MBD2: variants seen among roughly 807,000 people sequenced by gnomAD.
MBD2 encodes methyl-CpG binding domain protein 2.
Under a neutral mutation model 39.3 loss-of-function variants are expected in MBD2, and 9 were observed. That is an observed-to-expected ratio of 0.23 (90% CI 0.14 to 0.40). The LOEUF (loss-of-function observed/expected upper bound fraction) is 0.40. Ranked by LOEUF, MBD2 falls within the 10% of genes least tolerant of loss-of-function variation. MBD2 has a pLI of 1.00. For synonymous variants in MBD2, 233 were observed against 211.1 expected, an observed-to-expected ratio of 1.10 and a Z score of -0.90; for missense variants, 458 against 532.6, an observed-to-expected ratio of 0.86 and a Z score of 1.38.
Position 54,164,710 on chromosome 18 carries a change from GAAACAAGTACTAGTTA to G in MBD2, c.932-26_932-11del. The stretch of plus-strand genomic sequence containing the variant: ...CTACCTGGACCAACTCCTGCAATGA[GAAACAAGTACTAGTTA>G]AAGGAAATGTCTCAATGTGCTGAGC... On this transcript the variant is annotated splice_polypyrimidine_tract_variant and intron_variant, in intron 4 of 6. Transcript: ENST00000256429. 6.3e-7 allele frequency: 1 copy of G among 1,593,470 alleles called. No homozygotes were observed. The highest frequency in any genetic ancestry group is 2.3e-5 in the East Asian group (1 of 44,282).
At chr18:54,158,457 G>A (rs1201891677) in intron 6 of MBD2, among the ~76,000 whole-genome samples, 1 of 152,080 alleles carries the variant, frequency 6.6e-6, no homozygotes, top group Non-Finnish European at 1.5e-5. Flanking sequence ...GTTTTGGGGT[G>A]CCAAAAAGGA....
At chr18:54,214,801 G>A (rs934152308) in intron 1 of MBD2, among the ~76,000 whole-genome samples, 82 of 149,780 alleles carry the variant, frequency 5.5e-4, no homozygotes, top group Admixed American at 4.2e-3. Context: ...GTGCAGTGGT[G>A]CGATCTTGGC....
At chr18:54,176,602 G>A (rs559559869) in intron 3 of MBD2, among the ~76,000 whole-genome samples, 37 of 152,304 alleles carry the variant, frequency 2.4e-4, no homozygotes, top group South Asian at 1.5e-3. Context: ...TGGATGAATG[G>A]TGTTTCCTGC....
At chr18:54,215,431 TA>T (rs2086548853) in intron 1 of MBD2, among the ~76,000 whole-genome samples, 1 of 151,954 alleles carries the variant, frequency 6.6e-6, no homozygotes, top group South Asian at 2.1e-4. Flanking sequence ...ATAAATTAGT[TA>T]AAACTAGATA....
intron 3 of MBD2, among the ~76,000 whole-genome samples, chr18:54,174,919 T>C (rs1225018493): frequency 6.6e-6 from 1 of 152,236 alleles, no homozygotes; most frequent in Non-Finnish European, 1.5e-5. Flanking sequence ...CCATTTAGAA[T>C]GACTTTAAGT....
At chr18:54,159,347 C>T (rs942752882) in intron 6 of MBD2, among the ~76,000 whole-genome samples, 1 of 151,940 alleles carries the variant, frequency 6.6e-6, no homozygotes, top group Admixed American at 6.5e-5. Flanking sequence ...ATGCAGAACC[C>T]GAGCAGAGGA....
At chr18:54,168,613 T>TTGTGTGTGTG (rs60604906) in intron 3 of MBD2, among the ~76,000 whole-genome samples, 2 of 117,168 alleles carry the variant, frequency 1.7e-5, no homozygotes, top group Non-Finnish European at 3.4e-5. Flanking sequence ...GTATGCATAT[T>TTGTGTGTGTG]TGTGTGTGTG....
chr18:54,199,934 G>T (rs971304896), intron 2 of MBD2, among the ~76,000 whole-genome samples: 6 of 151,746 alleles, frequency 4.0e-5, no homozygotes, highest in Non-Finnish European at 4.4e-5. Flanking sequence ...ACCAAGATAG[G>T]TAAGCTCTCC....
intron 3 of MBD2, among the ~76,000 whole-genome samples, chr18:54,175,102 G>A (rs34992594): frequency 0.31 from 46,832 of 152,192 alleles, 8,071 homozygotes; most frequent in East Asian, 0.56. Flanking sequence ...TAGCTCTCAT[G>A]TATTGTCTTA....
At chr18:54,174,020 C>T (rs891113080) in intron 3 of MBD2, among the ~76,000 whole-genome samples, 30 of 152,136 alleles carry the variant, frequency 2.0e-4, no homozygotes, top group African/African-American at 7.2e-4. Context: ...GGAACACAGA[C>T]TATATTTCTA....
At chr18:54,177,176 C>G (rs762280524) in intron 3 of MBD2, among the ~76,000 whole-genome samples, 1 of 152,210 alleles carries the variant, frequency 6.6e-6, no homozygotes, top group East Asian at 1.9e-4. Flanking sequence ...CATATAGGAA[C>G]TTAGATGTGC....
intron 6 of MBD2, among the ~76,000 whole-genome samples, chr18:54,157,728 C>A (rs2086063428): frequency 6.6e-6 from 1 of 152,172 alleles, no homozygotes; most frequent in African/African-American, 2.4e-5. Flanking sequence ...TCAACTCACC[C>A]TCCCTGCAAT....
chr18:54,191,878 A>C (rs772452571), intron 2 of MBD2, among the ~76,000 whole-genome samples: 1 of 152,170 alleles, frequency 6.6e-6, no homozygotes, highest in African/African-American at 2.4e-5. Context: ...TAACAGTATT[A>C]TTTCTCAGGT....
intron 3 of MBD2, among the ~76,000 whole-genome samples, chr18:54,168,763 G>A (rs1023462797): frequency 2.0e-5 from 3 of 150,930 alleles, no homozygotes; most frequent in Non-Finnish European, 4.4e-5. Context: ...ACTGGTCAAG[G>A]TCACTTCCTC....
intron 2 of MBD2, among the ~76,000 whole-genome samples, chr18:54,191,172 C>T (rs947099615): frequency 2.6e-5 from 4 of 152,198 alleles, no homozygotes; most frequent in Non-Finnish European, 4.4e-5. Flanking sequence ...GCATCAGAAT[C>T]ACCCAGAGGG....
intron 2 of MBD2, among the ~76,000 whole-genome samples, chr18:54,198,113 G>A (rs577458456): frequency 6.6e-6 from 1 of 152,360 alleles, no homozygotes; most frequent in South Asian, 2.1e-4. Flanking sequence ...TAGAAGCCAA[G>A]AGGCAGTTCT....
intron 3 of MBD2, among the ~76,000 whole-genome samples, chr18:54,170,412 A>T (rs1471425104): frequency 6.6e-6 from 1 of 152,192 alleles, no homozygotes; most frequent in African/African-American, 2.4e-5. Context: ...AGAAACAGGG[A>T]TCACAAACAA....
intron 1 of MBD2, 99 bp downstream of exon 1, chr18:54,223,919 T>A (rs2086635857): frequency 9.8e-7 from 1 of 1,023,222 alleles, no homozygotes; most frequent in South Asian, 1.6e-5. Flanking sequence ...CCCTGCCACA[T>A]GCCCCCCGGG....
intron 1 of MBD2, among the ~76,000 whole-genome samples, chr18:54,211,158 A>G (rs544489969): frequency 1.7e-4 from 26 of 152,138 alleles, no homozygotes; most frequent in African/African-American, 5.3e-4. Flanking sequence ...GACGTGAGCC[A>G]CCGCGCCCGG....
Sources: gnomAD v4.1 joint callset for allele counts (sites outside exome capture counted in the v4.1 genomes callset) on GRCh38, gnomAD v4.1.1 for gene constraint, MANE v1.5 for transcripts, NCBI Gene and HGNC (gene_info 2026-07-23, HGNC 2026-07-21) for gene names.